The following MMP16 variants were observed in gnomAD, a reference collection of about 807,000 sequenced individuals.
MMP16 encodes matrix metalloproteinase-16.
In MMP16, 12 loss-of-function variants were observed where a neutral mutation model predicts 67.8. The ratio of observed to expected loss-of-function variants is 0.18; its 90% CI spans 0.11 to 0.29. MMP16 has a LOEUF of 0.29. Among genes scored for constraint, MMP16 ranks in the 10% least tolerant of loss-of-function variants. The pLI is 1.00. For missense variants in MMP16, 475 were observed against 765.7 expected, an observed-to-expected ratio of 0.62 and a Z score of 4.48; for synonymous variants, 249 against 255.9, an observed-to-expected ratio of 0.97 and a Z score of 0.26.
chr8:88,175,362 G>T (rs560289870), intron 3 of MMP16, among the ~76,000 whole-genome samples: 1 of 152,150 alleles, frequency 6.6e-6, no homozygotes, highest in Admixed American at 6.5e-5. Context: ...TATTTTTTGA[G>T]CTTAAATGTC....
intron 3 of MMP16, among the ~76,000 whole-genome samples, chr8:88,172,223 A>C (rs924382599): frequency 3.9e-5 from 6 of 152,230 alleles, no homozygotes; most frequent in African/African-American, 1.4e-4. Context: ...AAAGTTCAGA[A>C]AAAATTGTAG....
chr8:88,255,676 C>T (rs1330633947), intron 1 of MMP16, among the ~76,000 whole-genome samples: 1 of 152,098 alleles, frequency 6.6e-6, no homozygotes, highest in African/African-American at 2.4e-5. Flanking sequence ...TTTAAATTTC[C>T]ATCTTAGTTA....
chr8:88,047,628 C>G lies in MMP16; in HGVS notation c.1374-844G>C, dbSNP rs898316366. On this transcript the variant is annotated intron_variant, in intron 8 of 9. Coordinates refer to ENST00000286614, the MANE Select transcript of MMP16 (RefSeq NM_005941.5). The stretch of plus-strand genomic sequence containing the variant: ...CAGGCACATGCTGGAGTACCTGTGT[C>G]TACAAGGAGGCTGGGGTGACTGGAA... Among the ~76,000 whole-genome samples, 9 of 152,100 alleles carry G rather than the reference C, an allele frequency of 5.9e-5. No individual in the cohort carries two copies. The South Asian group carries it at 8.3e-4, about 14-fold the overall frequency.
chr8:88,166,894 TTA>T (rs1808723758), intron 4 of MMP16, among the ~76,000 whole-genome samples: 1 of 151,148 alleles, frequency 6.6e-6, no homozygotes, highest in Admixed American at 6.6e-5. Context: ...GACTGGAAAG[TTA>T]ATAATAGAAT....
chr8:88,092,739 T>C (rs576573232), intron 6 of MMP16, among the ~76,000 whole-genome samples: 2 of 151,930 alleles, frequency 1.3e-5, no homozygotes, highest in Non-Finnish European at 2.9e-5. Flanking sequence ...AATTAAAAAA[T>C]ACATTGACTT....
At chr8:88,210,747 T>G (rs775387785) in intron 1 of MMP16, among the ~76,000 whole-genome samples, 3 of 152,122 alleles carry the variant, frequency 2.0e-5, no homozygotes, top group Non-Finnish European at 4.4e-5. Flanking sequence ...GTTTTTATCT[T>G]TGTCTTCTTA....
intron 8 of MMP16, 39 bp downstream of exon 8, chr8:88,056,089 G>T: frequency 1.4e-6 from 2 of 1,388,686 alleles, no homozygotes; most frequent in Non-Finnish European, 1.9e-6. Context: ...CTAAACATTG[G>T]TTAATTAACT....
intron 4 of MMP16, among the ~76,000 whole-genome samples, chr8:88,144,615 G>A (rs545847008): frequency 6.6e-6 from 1 of 151,762 alleles, no homozygotes; most frequent in African/African-American, 2.4e-5. Context: ...AAATAATAAA[G>A]TTCCATTTTA....
chr8:88,071,091 T>C (rs17719876), intron 7 of MMP16, among the ~76,000 whole-genome samples: 8,239 of 152,194 alleles, frequency 0.054, 315 homozygotes, highest in Non-Finnish European at 0.085. Context: ...TCATATGATA[T>C]ACATGTGCAC....
At chr8:88,261,296 T>C (rs1162969080) in intron 1 of MMP16, among the ~76,000 whole-genome samples, 1 of 152,066 alleles carries the variant, frequency 6.6e-6, no homozygotes, top group Non-Finnish European at 1.5e-5. Context: ...ATAAAACATT[T>C]AGGAGACAAA....
chr8:88,278,726 C>G (rs1320169498), intron 1 of MMP16, among the ~76,000 whole-genome samples: 2 of 152,034 alleles, frequency 1.3e-5, no homozygotes, highest in African/African-American at 2.4e-5. Context: ...TTGATGGAAA[C>G]AAAGGATTGC....
At chr8:88,135,185 T>A (rs538794403) in intron 4 of MMP16, among the ~76,000 whole-genome samples, 2 of 151,880 alleles carry the variant, frequency 1.3e-5, no homozygotes, top group African/African-American at 4.8e-5. Context: ...AGCAAACATT[T>A]ATTGAGTATT....
intron 6 of MMP16, among the ~76,000 whole-genome samples, chr8:88,075,846 A>AGTGATTTAT (rs1457092564): frequency 5.3e-5 from 8 of 151,612 alleles, no homozygotes; most frequent in Non-Finnish European, 8.8e-5. Context: ...ATATTATATA[A>AGTGATTTAT]GTGATTTATT....
chr8:88,286,782 A>G (rs140991396), intron 1 of MMP16, among the ~76,000 whole-genome samples: 5 of 151,868 alleles, frequency 3.3e-5, no homozygotes, highest in Non-Finnish European at 5.9e-5. Context: ...TCACCGTGTT[A>G]GGATGGTCTT....
intron 1 of MMP16, among the ~76,000 whole-genome samples, chr8:88,294,074 G>A (rs980638142): frequency 2.0e-5 from 3 of 151,930 alleles, no homozygotes; most frequent in Admixed American, 1.3e-4. Context: ...ACATTTGCAT[G>A]TCTAACTGAC....
intron 4 of MMP16, among the ~76,000 whole-genome samples, chr8:88,133,284 AAAG>A (rs1808063881): frequency 1.3e-5 from 2 of 151,546 alleles, no homozygotes; most frequent in African/African-American, 4.8e-5. Context: ...ACACTTAGAT[AAAG>A]AAAAATTATA....
chr8:88,166,171 C>T (rs529775740), intron 4 of MMP16, among the ~76,000 whole-genome samples: 1 of 152,018 alleles, frequency 6.6e-6, no homozygotes, highest in African/African-American at 2.4e-5. Flanking sequence ...GCTAACTGAA[C>T]CCTCTTATGA....
chr8:88,045,566 G>A (rs1808189128), intron 9 of MMP16, among the ~76,000 whole-genome samples: 1 of 151,856 alleles, frequency 6.6e-6, no homozygotes, highest in Non-Finnish European at 1.5e-5. Context: ...AGAGATGGGG[G>A]TGTCATCATT....
rs147001537 is a variant in MMP16 at position 88,060,925 on chromosome 8, T to C, written c.1223-4647A>G. Among the ~76,000 whole-genome samples, 6 of 152,088 alleles carry C rather than the reference T, an allele frequency of 3.9e-5. No individual in the cohort carries two copies. The South Asian group carries it at 6.2e-4, about 16-fold the overall frequency. On this transcript the variant is annotated intron_variant, in intron 7 of 9. Coordinates refer to ENST00000286614, the MANE Select transcript of MMP16 (RefSeq NM_005941.5). ...CACAATAAAGGCTACATAAATAACATTGAGGGCATTAGTTTGGAATCTTGT... is the reference window on the plus strand; with the variant it reads ...CACAATAAAGGCTACATAAATAACACTGAGGGCATTAGTTTGGAATCTTGT...
Sources: allele counts gnomAD v4.1 joint callset (sites outside exome capture counted in the v4.1 genomes callset), GRCh38; gene constraint gnomAD v4.1.1; transcripts MANE v1.5; gene names NCBI Gene and HGNC (gene_info 2026-07-23, HGNC 2026-07-21).